The following DCLK2 variants were observed in gnomAD, a reference collection of about 807,000 sequenced individuals.
DCLK2 encodes the protein serine/threonine-protein kinase DCLK2.
DCLK2 carries 31 observed loss-of-function variants against 78.4 expected under a neutral mutation model. The ratio of observed to expected loss-of-function variants is 0.40; its 90% CI spans 0.30 to 0.53. The LOEUF is 0.53. Among genes scored for constraint, DCLK2 ranks in the 20% least tolerant of loss-of-function variants. The probability of loss-of-function intolerance (pLI) is 0.61; values close to 1 mark genes in which losing one functional copy is unlikely to be tolerated. For synonymous variants in DCLK2, 407 were observed against 374.9 expected, an observed-to-expected ratio of 1.09 and a Z score of -0.99; for missense variants, 872 against 973.7, an observed-to-expected ratio of 0.90 and a Z score of 1.39.
At position 150,081,781 on chromosome 4, in the gene DCLK2, C is replaced by T. The variant is rs184154492; in HGVS notation, c.421+2333C>T. 3.0e-3 allele frequency among the ~76,000 whole-genome samples: 444 copies of T among 150,048 alleles called. 5 individuals carry two copies. The highest frequency in any genetic ancestry group is 0.01 in the African/African-American group (424 of 40,656). ...CTGAGGTGGGTGGATCACCTGAGGT[C>T]AGGAGTTCGAGACCAGCCTGACAAA... On this transcript the variant is annotated intron_variant, in intron 1 of 15. Coordinates refer to ENST00000296550, the MANE Select transcript of DCLK2 (RefSeq NM_001040260.4).
chr4:150,213,537 A>C (rs772289102), intron 5 of DCLK2, among the ~76,000 whole-genome samples: 4 of 152,176 alleles, frequency 2.6e-5, no homozygotes, highest in Non-Finnish European at 5.9e-5. Flanking sequence ...AATGTTCCTA[A>C]TGTTGAAAAA....
At chr4:150,080,794 G>T (rs1346568747) in intron 1 of DCLK2, among the ~76,000 whole-genome samples, 1 of 152,210 alleles carries the variant, frequency 6.6e-6, no homozygotes, top group Non-Finnish European at 1.5e-5. Flanking sequence ...TATTTAGTCA[G>T]AAGTTTTTGC....
At chr4:150,124,673 G>A (rs188493852) in intron 2 of DCLK2, among the ~76,000 whole-genome samples, 28 of 152,248 alleles carry the variant, frequency 1.8e-4, no homozygotes, top group Non-Finnish European at 2.6e-4. Flanking sequence ...TGCATAAATG[G>A]AAACTTATAA....
chr4:150,205,252 T>C lies in DCLK2; in HGVS notation c.1056+1363T>C, dbSNP rs200541052. The stretch of plus-strand genomic sequence containing the variant: ...TGTGAGGTCTGTGCTTCCCCACTTC[T>C]CAGAACGTTTTGTTCTCCAATTGAC... On this transcript the variant is annotated intron_variant, in intron 5 of 15. Coordinates refer to ENST00000296550, the MANE Select transcript of DCLK2 (RefSeq NM_001040260.4). Among the ~76,000 whole-genome samples, 5 of 152,312 alleles carry C rather than the reference T, an allele frequency of 3.3e-5. No homozygotes were observed. The East Asian group carries it at 9.6e-4, about 29-fold the overall frequency.
At chr4:150,253,872 T>C (rs1455190020) in intron 15 of DCLK2, 1 of 985,346 alleles carries the variant, frequency 1.0e-6, no homozygotes, top group African/African-American at 1.7e-5. Flanking sequence ...CAGCTTAAGA[T>C]GGTGCCTTCG....
intron 10 of DCLK2, among the ~76,000 whole-genome samples, chr4:150,238,900 A>G (rs1326484315): frequency 7.9e-5 from 12 of 152,110 alleles, no homozygotes; most frequent in Admixed American, 7.9e-4. Flanking sequence ...CCCCTATATC[A>G]TATTTGTATT....
chr4:150,107,128 A>G (rs1731317577), intron 2 of DCLK2, among the ~76,000 whole-genome samples: 1 of 152,180 alleles, frequency 6.6e-6, no homozygotes, highest in African/African-American at 2.4e-5. Context: ...GACAGCCACG[A>G]CATCATCCTT....
chr4:150,191,754 T>C (rs1738470998), intron 2 of DCLK2, among the ~76,000 whole-genome samples: 1 of 152,168 alleles, frequency 6.6e-6, no homozygotes, highest in South Asian at 2.1e-4. Flanking sequence ...TTCTTGGCAT[T>C]GCAAAAAGGC....
chr4:150,254,046 T>C (rs1181052754), intron 15 of DCLK2, among the ~76,000 whole-genome samples: 1 of 152,230 alleles, frequency 6.6e-6, no homozygotes, highest in Non-Finnish European at 1.5e-5. Flanking sequence ...TTCTTGGACT[T>C]GTCCTTAGCA....
chr4:150,236,251 A>C (rs143709669), intron 10 of DCLK2, among the ~76,000 whole-genome samples: 1,649 of 152,296 alleles, frequency 0.011, 31 homozygotes, highest in African/African-American at 0.038. Flanking sequence ...GATTGTTTAA[A>C]TTCACTCAAA....
chr4:150,193,315 CAGTT>C (rs1167176497), intron 3 of DCLK2, 75 bp downstream of exon 3: 28 of 908,560 alleles, frequency 3.1e-5, no homozygotes, highest in South Asian at 3.5e-5. Context: ...TTTAGCCACT[CAGTT>C]GGTGCATGTT....
At chr4:150,087,857 A>G (rs563109475) in intron 1 of DCLK2, among the ~76,000 whole-genome samples, 1 of 151,762 alleles carries the variant, frequency 6.6e-6, no homozygotes, top group African/African-American at 2.4e-5. Flanking sequence ...AATTAGAGTA[A>G]TATTTTTAGA....
At chr4:150,179,685 A>G (rs901386691) in intron 2 of DCLK2, among the ~76,000 whole-genome samples, 1 of 152,192 alleles carries the variant, frequency 6.6e-6, no homozygotes, top group Non-Finnish European at 1.5e-5. Context: ...AATATTATTA[A>G]TACATATTTA....
At chr4:150,147,476 T>C (rs1279313210) in intron 2 of DCLK2, among the ~76,000 whole-genome samples, 1 of 152,178 alleles carries the variant, frequency 6.6e-6, no homozygotes, top group Non-Finnish European at 1.5e-5. Context: ...TATTTTGATA[T>C]AAACAGGTTG....
chr4:150,212,899 A>T (rs754743402), intron 5 of DCLK2, among the ~76,000 whole-genome samples: 2 of 152,198 alleles, frequency 1.3e-5, no homozygotes, highest in African/African-American at 4.8e-5. Context: ...GGAGTTAAAG[A>T]CTTAGAGATT....
intron 10 of DCLK2, among the ~76,000 whole-genome samples, chr4:150,235,960 G>A (rs1289229094): frequency 2.6e-5 from 4 of 152,182 alleles, no homozygotes; most frequent in African/African-American, 7.2e-5. Flanking sequence ...TGGTGGTACC[G>A]TGTCAGAGTT....
chr4:150,126,166 T>TA (rs1432866017), intron 2 of DCLK2, among the ~76,000 whole-genome samples: 1 of 151,988 alleles, frequency 6.6e-6, no homozygotes, highest in Non-Finnish European at 1.5e-5. Flanking sequence ...AAGCCATTCT[T>TA]ACAGTGTTTG....
chr4:150,126,262 T>C (rs1341753876), intron 2 of DCLK2, among the ~76,000 whole-genome samples: 1 of 152,248 alleles, frequency 6.6e-6, no homozygotes, highest in Non-Finnish European at 1.5e-5. Flanking sequence ...GCCTATTCTA[T>C]GGTAGGCACT....
chr4:150,084,394 T>A (rs1264384631), intron 1 of DCLK2, among the ~76,000 whole-genome samples: 3 of 152,248 alleles, frequency 2.0e-5, no homozygotes, highest in African/African-American at 7.2e-5. Context: ...GATAAACGTA[T>A]AATTTTGGGT....
Sources: allele counts gnomAD v4.1 joint callset (sites outside exome capture counted in the v4.1 genomes callset), GRCh38; gene constraint gnomAD v4.1.1; transcripts MANE v1.5; gene names NCBI Gene and HGNC (gene_info 2026-07-23, HGNC 2026-07-21).